The following THBS4 variants were observed in gnomAD, a reference collection of about 807,000 sequenced individuals.
THBS4 encodes the protein thrombospondin 4.
THBS4 carries 90 observed loss-of-function variants against 115.7 expected under a neutral mutation model. The ratio of observed to expected loss-of-function variants is 0.78; its 90% CI spans 0.66 to 0.93. The LOEUF is 0.93. Among genes scored for constraint, THBS4 ranks in the 40% least tolerant of loss-of-function variants. THBS4 has a pLI of 0.00. For synonymous variants in THBS4, 460 were observed against 479.3 expected (o/e 0.96, Z 0.53); for missense variants, 1,087 against 1,232.7 (o/e 0.88, Z 1.77).
rs1230937726 is a variant in THBS4 at position 80,079,096 on chromosome 5, G to T, written c.2349G>T (p.Gly783=). Residue 783 remains glycine, a synonymous_variant, in exon 19 of 22, where the codon GGG becomes GGT. Transcript: ENST00000350881. ...YTAFNGVDFE[G]TFHVNTQTDD... is the part of the protein sequence containing the mutation. ...CTTTTAATGGAGTTGACTTCGAAGG[G>T]ACCTTCCATGTGAATACCCAGACAG... 3.7e-6 allele frequency: 6 copies of T among 1,613,892 alleles called. No homozygotes were observed. The highest frequency in any genetic ancestry group is 1.3e-5 in the African/African-American group (1 of 75,030).
rs1195037064 is a variant in THBS4, at chr5:80,000,765, C to G, written n.177+2338C>G. Among the ~76,000 whole-genome samples, 5 of 152,020 alleles carry G rather than the reference C, an allele frequency of 3.3e-5. No individual in the cohort carries two copies. In the East Asian group the frequency reaches 9.7e-4, roughly 29 times the overall value. On this transcript the variant is annotated intron_variant and non_coding_transcript_variant, in intron 2 of 3. Coordinates refer to the THBS4 transcript ENST00000510218. Reference sequence around the variant, plus strand: ...GTGTATTTCCAGTGTGGAACAGTAACTCAGTGTAAATATCCAGGAGAGAGG... The same window carrying G: ...GTGTATTTCCAGTGTGGAACAGTAAGTCAGTGTAAATATCCAGGAGAGAGG...
intron 2 of THBS4, among the ~76,000 whole-genome samples, chr5:80,049,978 C>T (rs187091691): frequency 6.8e-4 from 104 of 152,242 alleles, no homozygotes; most frequent in African/African-American, 2.3e-3. Flanking sequence ...GTTTGAGATC[C>T]GAGCACCCAC....
chr5:80,065,982 C>G (rs1055158317), intron 9 of THBS4, among the ~76,000 whole-genome samples: 5 of 151,792 alleles, frequency 3.3e-5, no homozygotes, highest in Non-Finnish European at 7.4e-5. Flanking sequence ...GTAGTCCCAG[C>G]TACTCTGGAG....
chr5:80,032,923 C>T (rs1010903535), upstream of THBS4, among the ~76,000 whole-genome samples: 10 of 152,178 alleles, frequency 6.6e-5, no homozygotes, highest in Non-Finnish European at 1.2e-4. Context: ...CAACATTAAC[C>T]ATCATGATGT....
chr5:79,998,053 ATAACTCT>A (rs1289891063), intron 1 of THBS4, among the ~76,000 whole-genome samples: 1 of 152,206 alleles, frequency 6.6e-6, no homozygotes, highest in Non-Finnish European at 1.5e-5. Context: ...AAACATACAA[ATAACTCT>A]TAAAACTTAC....
At chr5:80,022,019 C>T (rs970076875) in intron 2 of THBS4, among the ~76,000 whole-genome samples, 7 of 152,152 alleles carry the variant, frequency 4.6e-5, no homozygotes, top group African/African-American at 1.7e-4. Context: ...CTACCCTACA[C>T]TGAGGGTGCG....
In THBS4 at chr5:80,082,468, T is replaced by G; in HGVS notation, c.2747T>G (p.Met916Arg). 6.2e-7 allele frequency: 1 copy of G among 1,614,234 alleles called. No homozygotes were observed. Among genetic ancestry groups the G allele is most frequent in the South Asian group, 1.1e-5 (1 of 91,084 alleles). ...ADSGVTIDTT[M>R]RGGRLGVFCF... ...TCTGGCGTCACCATAGACACCACAA[T>G]GCGTGGAGGCCGACTTGGCGTTTTC... Residue 916 changes from methionine (M) to arginine (R), a missense_variant, in exon 21 of 22, where the codon ATG becomes AGG. By Grantham distance (91) the Met-to-Arg change is moderately conservative. Coordinates refer to ENST00000350881, the MANE Select transcript of THBS4 (RefSeq NM_003248.6).
chr5:80,029,562 AC>A (rs1408583381), intron 2 of THBS4, among the ~76,000 whole-genome samples: 5 of 151,986 alleles, frequency 3.3e-5, no homozygotes, highest in African/African-American at 9.7e-5. Context: ...TTTTATAGAG[AC>A]CCTTAGATTG....
chr5:80,007,651 C>T (rs575101603), intron 2 of THBS4, among the ~76,000 whole-genome samples: 10 of 152,266 alleles, frequency 6.6e-5, no homozygotes, highest in South Asian at 4.1e-4. Context: ...CCATCTGCCT[C>T]GGGGGTGGAA....
intron 2 of THBS4, among the ~76,000 whole-genome samples, chr5:80,002,426 G>A (rs529204624): frequency 2.0e-5 from 3 of 152,136 alleles, no homozygotes; most frequent in Non-Finnish European, 2.9e-5. Context: ...TAACCCATTA[G>A]CATGTCCCAA....
Position 80,055,977 on chromosome 5 carries a change from G to A in THBS4, c.485G>A (p.Gly162Asp), listed in dbSNP as rs976805420. The A allele has an allele frequency of 6.2e-7, 1 of 1,613,730 alleles. No individual in the cohort carries two copies. Among genetic ancestry groups the A allele is most frequent in the Admixed American group, 1.7e-5 (1 of 60,018 alleles). The change falls in exon 3 of 22, where the codon GGC becomes GAC. Residue 162 changes from glycine to aspartate, a missense_variant. Transcript: ENST00000350881. Reference protein sequence around the residue: ...SVHNLPRAFAGPSQKPETIEL... With the variant: ...SVHNLPRAFADPSQKPETIEL... ...CACAATCTCCCCAGGGCCTTTGCTG[G>A]CCCCTCCCAGAAACCTGAGACCATT...
chr5:80,036,215 G>T (rs1336815803), intron 1 of THBS4: 3 of 985,012 alleles, frequency 3.0e-6, no homozygotes, highest in Non-Finnish European at 3.6e-6. Context: ...CTTTTTCAAT[G>T]AAATCAGTTC....
chr5:80,029,803 CAAA>C (rs762953430), intron 2 of THBS4, among the ~76,000 whole-genome samples: 6 of 136,000 alleles, frequency 4.4e-5, no homozygotes, highest in Admixed American at 1.5e-4. Flanking sequence ...ACTAAAAATA[CAAA>C]AAAAAAAAAA....
intron 5 of THBS4, 58 bp downstream of exon 5, chr5:80,058,848 A>C: frequency 6.0e-6 from 9 of 1,505,188 alleles, no homozygotes; most frequent in African/African-American, 1.4e-5. Flanking sequence ...AGCTCCCCAC[A>C]AGCTAGTGGA....
chr5:80,069,225 A>T (rs564681225), intron 10 of THBS4, among the ~76,000 whole-genome samples: 1 of 152,342 alleles, frequency 6.6e-6, no homozygotes, highest in South Asian at 2.1e-4. Flanking sequence ...CTTTATGCAT[A>T]CACAATTTTC....
Position 80,035,979 on chromosome 5 carries a change from C to T in THBS4, c.88+354C>T, listed in dbSNP as rs1395725679. The T allele has an allele frequency of 2.9e-6, 3 of 1,027,956 alleles. No homozygotes were observed. The highest frequency in any genetic ancestry group is 3.5e-6 in the Non-Finnish European group (3 of 858,290). 63.7% of individuals were successfully genotyped at this position (1,027,956 alleles called of 1,614,324 possible). ...GAATTCCGGGTCCTGCACCCTGTGC[C>T]GGTTCCCTCCAGGCAGCCTTGCTCC... On this transcript the variant is annotated intron_variant, in intron 1 of 21. Transcript: ENST00000350881. The surrounding 1 kb of genome is among the most constrained non-coding windows in gnomAD (Gnocchi z 4.6).
At chr5:80,025,851 C>G (rs1014524557) in intron 2 of THBS4, among the ~76,000 whole-genome samples, 1 of 152,148 alleles carries the variant, frequency 6.6e-6, no homozygotes, top group Non-Finnish European at 1.5e-5. Context: ...TTTGTTACAT[C>G]TATTTTCCTT....
intron 14 of THBS4, chr5:80,072,701 T>C (rs997750686): frequency 2.8e-5 from 10 of 357,872 alleles, no homozygotes; most frequent in East Asian, 9.8e-5. Flanking sequence ...AAATTAACCA[T>C]TGGGAGCCTT....
At position 80,063,306 on chromosome 5, in the gene THBS4, T is replaced by C. The variant is rs372416263; in HGVS notation, c.1125+1474T>C. On this transcript the variant is annotated intron_variant, in intron 8 of 21. Transcript: ENST00000350881. The stretch of plus-strand genomic sequence containing the variant: ...GCCAGTAATGGTGAGCATTTTTTCA[T>C]GTGTCTGTTGGCTGCATAACTGTCT... Among the ~76,000 whole-genome samples the C allele has an allele frequency of 1.8e-4, 28 of 152,370 alleles. No individual in the cohort carries two copies. In the East Asian group the frequency reaches 2.3e-3, roughly 13 times the overall value.
Sources: gnomAD v4.1 joint callset for allele counts (sites outside exome capture counted in the v4.1 genomes callset) on GRCh38, gnomAD v4.1.1 for gene constraint, Gnocchi (gnomAD v3.1) non-coding constraint, MANE v1.5 for transcripts, NCBI Gene and HGNC (gene_info 2026-07-23, HGNC 2026-07-21) for gene names.